Variants in SMG6 observed in about 807,000 individuals in gnomAD.
The protein encoded by SMG6 is telomerase-binding protein EST1A.
Under a neutral mutation model 142.2 loss-of-function variants are expected in SMG6, and 66 were observed. That is an observed-to-expected ratio of 0.46 (90% CI 0.38 to 0.57). The LOEUF is 0.57. Among genes scored for constraint, SMG6 ranks in the 20% least tolerant of loss-of-function variants. The pLI, the probability that SMG6 is intolerant of heterozygous loss-of-function variation, is 0.00. For synonymous variants in SMG6, 779 were observed against 702.4 expected, an observed-to-expected ratio of 1.11 and a Z score of -1.72; for missense variants, 1,793 against 1,832.0, an observed-to-expected ratio of 0.98 and a Z score of 0.39.
intron 13 of SMG6, among the ~76,000 whole-genome samples, chr17:2,096,397 T>C (rs975330105): frequency 1.3e-5 from 2 of 152,212 alleles, no homozygotes; most frequent in African/African-American, 4.8e-5. Flanking sequence ...TTAATAGAGA[T>C]GTGGTTTCAC....
intron 12 of SMG6, among the ~76,000 whole-genome samples, chr17:2,178,867 T>C (rs1190434559): frequency 6.6e-6 from 1 of 152,120 alleles, no homozygotes; most frequent in Non-Finnish European, 1.5e-5. Flanking sequence ...TTCCTGCCTC[T>C]CCAAACTTTT....
chr17:2,200,109 A>AT (rs1682590707), intron 10 of SMG6: 1 of 151,390 alleles, frequency 6.6e-6, no homozygotes, highest in Non-Finnish European at 1.5e-5. Context: ...TTTATTAGAG[A>AT]TGGGTTTCGC....
At chr17:2,082,416 A>T (rs1299567427) in intron 14 of SMG6, 1 of 163,238 alleles carries the variant, frequency 6.1e-6, no homozygotes, top group Non-Finnish European at 1.4e-5. Flanking sequence ...GCTGGGAATG[A>T]GGCGTGGAAG....
intron 10 of SMG6, among the ~76,000 whole-genome samples, chr17:2,217,867 G>A (rs978649236): frequency 2.6e-5 from 4 of 151,856 alleles, no homozygotes; most frequent in South Asian, 2.1e-4. Context: ...AAAATCAGCC[G>A]GGTGTGGTGG....
At chr17:2,246,686 C>G (rs1215986850) in intron 8 of SMG6, among the ~76,000 whole-genome samples, 1 of 152,226 alleles carries the variant, frequency 6.6e-6, no homozygotes, top group Non-Finnish European at 1.5e-5. Flanking sequence ...TGGCTCATGC[C>G]TGGAATCCCA....
In SMG6 at chr17:2,240,821, C is replaced by A. The variant is rs147382404; in HGVS notation, c.2723+3837G>T. ...GTCCGAGCTTTTCCGAAAGGGCAGG[C>A]GGGAGAGTGATGTGCCTTCAGCTGC... On this transcript the variant is annotated intron_variant, in intron 9 of 18. Coordinates refer to ENST00000263073, the MANE Select transcript of SMG6 (RefSeq NM_017575.5). 7.9e-5 allele frequency among the ~76,000 whole-genome samples: 12 copies of A among 152,312 alleles called. No individual in the cohort carries two copies. In the East Asian group the frequency reaches 2.3e-3, roughly 29 times the overall value.
intron 8 of SMG6, among the ~76,000 whole-genome samples, chr17:2,245,621 GTGATCC>G (rs1567714366): frequency 6.6e-6 from 1 of 152,224 alleles, no homozygotes; most frequent in Non-Finnish European, 1.5e-5. Flanking sequence ...CTGGCCTCAA[GTGATCC>G]ACCTGCTTTG....
At chr17:2,166,229 A>T (rs2071334624) in intron 13 of SMG6, among the ~76,000 whole-genome samples, 1 of 152,060 alleles carries the variant, frequency 6.6e-6, no homozygotes, top group African/African-American at 2.4e-5. Flanking sequence ...CAACAACAAC[A>T]ACAAAAAACT....
intron 8 of SMG6, among the ~76,000 whole-genome samples, chr17:2,246,000 G>A (rs1266584612): frequency 6.6e-6 from 1 of 152,140 alleles, no homozygotes; most frequent in Non-Finnish European, 1.5e-5. Flanking sequence ...ATTTTTATGT[G>A]AAATACTCTG....
At position 2,273,577 on chromosome 17, in the gene SMG6, G is replaced by A. The variant is rs1346278790; in HGVS notation, c.2661+9070C>T. On this transcript the variant is annotated intron_variant, in intron 8 of 18. Transcript: ENST00000263073. ...GAACCGGGGAGGCGGAAGTTGCAGC[G>A]AGCAGAGATTGTGCCATTGCACTCC... Among the ~76,000 whole-genome samples, 8 of 152,186 alleles carry A rather than the reference G, an allele frequency of 5.3e-5. No homozygotes were observed. In the East Asian group the frequency reaches 5.8e-4, roughly 11 times the overall value.
chr17:2,256,181 AAAATAAAT>A (rs111517641), intron 8 of SMG6: 1 of 150,882 alleles, frequency 6.6e-6, no homozygotes, highest in African/African-American at 2.5e-5. Context: ...AATGATCAAT[AAAATAAAT>A]AAATAAATAA....
intron 13 of SMG6, among the ~76,000 whole-genome samples, chr17:2,106,123 A>G (rs959179327): frequency 1.3e-5 from 2 of 152,194 alleles, no homozygotes. Context: ...TTCTCAGTGG[A>G]AAAACCAGGC....
At chr17:2,078,307 T>C (rs2068316727) in intron 15 of SMG6, among the ~76,000 whole-genome samples, 2 of 152,038 alleles carry the variant, frequency 1.3e-5, no homozygotes, top group Non-Finnish European at 1.5e-5. Flanking sequence ...AATATGAAAT[T>C]AGATACTAGG....
intron 10 of SMG6, among the ~76,000 whole-genome samples, chr17:2,206,913 G>T (rs2072699036): frequency 6.6e-6 from 1 of 150,832 alleles, no homozygotes; most frequent in South Asian, 2.1e-4. Flanking sequence ...TAACGATAAT[G>T]ATAATAATAA....
rs1436570969 is a variant in SMG6 at position 2,071,594 on chromosome 17, G to A, written c.3682-2663C>T. Among the ~76,000 whole-genome samples the A allele has an allele frequency of 6.6e-6, 1 of 152,196 alleles. No homozygotes were observed. The highest frequency in any genetic ancestry group is 1.5e-5 in the Non-Finnish European group (1 of 68,044). On this transcript the variant is annotated intron_variant, in intron 15 of 18. Transcript: ENST00000263073. This position sits in a 1 kb window ranked among gnomAD's most constrained non-coding sequence, Gnocchi z 5.6. ...TGTGCTGCCATCATCCGGTCCCAGG[G>A]ACGCCCGCAGACAACTTCCCTTAAC...
At chr17:2,128,183 T>C (rs958140345) in intron 13 of SMG6, among the ~76,000 whole-genome samples, 1 of 152,234 alleles carries the variant, frequency 6.6e-6, no homozygotes, top group Admixed American at 6.5e-5. Flanking sequence ...CGCCGCTTTG[T>C]CCAGCCAGTG....
At chr17:2,236,441 A>G (rs2073655232) in intron 10 of SMG6, 51 bp downstream of exon 10, 4 of 1,571,316 alleles carry the variant, frequency 2.5e-6, no homozygotes, top group Non-Finnish European at 3.5e-6. Context: ...AAGAAGCTAC[A>G]TTAATCTCTA....
intron 10 of SMG6, among the ~76,000 whole-genome samples, chr17:2,196,253 T>G (rs1597574798): frequency 6.6e-6 from 1 of 151,982 alleles, no homozygotes; most frequent in African/African-American, 2.4e-5. Context: ...GAAACCCTGT[T>G]TCTACTAAAA....
At chr17:2,253,706 GC>G (rs1417617568) in intron 8 of SMG6, among the ~76,000 whole-genome samples, 1 of 152,140 alleles carries the variant, frequency 6.6e-6, no homozygotes. Flanking sequence ...AATGCTAAGA[GC>G]CCACAAATGC....
Sources: gnomAD v4.1 joint callset for allele counts (sites outside exome capture counted in the v4.1 genomes callset) on GRCh38, gnomAD v4.1.1 for gene constraint, Gnocchi (gnomAD v3.1) non-coding constraint, MANE v1.5 for transcripts, NCBI Gene and HGNC (gene_info 2026-07-23, HGNC 2026-07-21) for gene names.